The following SFTPD variants were observed in gnomAD, a reference collection of about 807,000 sequenced individuals.
SFTPD encodes the protein surfactant protein D, also known as pulmonary surfactant-associated protein D.
Under a neutral mutation model 34.6 loss-of-function variants are expected in SFTPD, and 18 were observed. That is an observed-to-expected ratio of 0.52 (90% CI 0.36 to 0.77). The LOEUF (loss-of-function observed/expected upper bound fraction) is 0.77, where lower values mean the gene tolerates loss of function less well. SFTPD is among the 30% of genes least tolerant of loss of function. The pLI is 0.00. For synonymous variants in SFTPD, 155 were observed against 180.9 expected (o/e 0.86, Z 1.15); for missense variants, 433 against 468.9 (o/e 0.92, Z 0.71).
At chr10:79,965,190 G>A (rs1477604009) in intron 1 of SFTPD, among the ~76,000 whole-genome samples, 4 of 152,070 alleles carry the variant, frequency 2.6e-5, no homozygotes, top group Admixed American at 6.6e-5. Flanking sequence ...ACCCCCTTGG[G>A]CACTCTCTAA....
chr10:79,945,485 A>G (rs1842655803), intron 2 of SFTPD, among the ~76,000 whole-genome samples: 1 of 152,154 alleles, frequency 6.6e-6, no homozygotes, highest in Non-Finnish European at 1.5e-5. Flanking sequence ...GCCCTGCCCA[A>G]TGTCATAGAG....
intron 5 of SFTPD, 147 bp downstream of exon 5, chr10:79,941,807 T>G: frequency 1.4e-6 from 1 of 694,454 alleles, no homozygotes; most frequent in Admixed American, 2.2e-5. Flanking sequence ...AGCCCCCTCA[T>G]GCACCCTTCT....
chr10:79,952,269 T>A (rs1320266592), upstream of SFTPD, among the ~76,000 whole-genome samples: 1 of 152,244 alleles, frequency 6.6e-6, no homozygotes, highest in Non-Finnish European at 1.5e-5. Context: ...GGAGTGCAGC[T>A]GCCCCCAGGA....
At chr10:79,980,658 G>A (rs986709192) in intron 1 of SFTPD, among the ~76,000 whole-genome samples, 1 of 152,214 alleles carries the variant, frequency 6.6e-6, no homozygotes, top group African/African-American at 2.4e-5. Context: ...GGTATGGGAA[G>A]AGAACAAGAG....
chr10:79,941,921 A>G, intron 5 of SFTPD, 33 bp downstream of exon 5: 1 of 1,425,560 alleles, frequency 7.0e-7, no homozygotes, highest in Non-Finnish European at 9.9e-7. Context: ...GGAGAACTGG[A>G]CCCAGCCCAG....
intron 1 of SFTPD, chr10:79,982,250 G>A: frequency 1.1e-6 from 1 of 907,446 alleles, no homozygotes; most frequent in Non-Finnish European, 1.4e-6. Flanking sequence ...CAATGGGACC[G>A]CGGGCGGCGG....
At chr10:79,955,779 A>T (rs1842735140) in intron 1 of SFTPD, among the ~76,000 whole-genome samples, 1 of 152,250 alleles carries the variant, frequency 6.6e-6, no homozygotes. Context: ...GTTTCTTTAA[A>T]TATTAACACA....
At chr10:79,956,184 G>A (rs1362092565) in intron 1 of SFTPD, among the ~76,000 whole-genome samples, 1 of 152,184 alleles carries the variant, frequency 6.6e-6, no homozygotes, top group East Asian at 1.9e-4. Context: ...AGCCAAGATG[G>A]CCGAATAGGA....
intron 1 of SFTPD, among the ~76,000 whole-genome samples, chr10:79,963,745 T>C (rs898417609): frequency 1.3e-5 from 2 of 152,206 alleles, no homozygotes; most frequent in African/African-American, 2.4e-5. Context: ...AACTCCCACT[T>C]ATAAATGAGA....
At chr10:79,965,242 C>G (rs1842796905) in intron 1 of SFTPD, among the ~76,000 whole-genome samples, 1 of 152,132 alleles carries the variant, frequency 6.6e-6, no homozygotes, top group Non-Finnish European at 1.5e-5. Context: ...CCTTTAATAC[C>G]TGTTTTTCTC....
chr10:79,951,359 T>C (rs1199818096), upstream of SFTPD, among the ~76,000 whole-genome samples: 2 of 152,198 alleles, frequency 1.3e-5, no homozygotes, highest in African/African-American at 2.4e-5. Context: ...TGGGATTTTT[T>C]CCCCCTTTGA....
chr10:79,975,633 C>G (rs4379774), intron 1 of SFTPD, among the ~76,000 whole-genome samples: 8,974 of 152,184 alleles, frequency 0.059, 584 homozygotes, highest in East Asian at 0.39. Context: ...GAATTAAACC[C>G]ACACACACAG....
intron 1 of SFTPD, among the ~76,000 whole-genome samples, chr10:79,967,730 C>T (rs574069581): frequency 3.3e-5 from 5 of 152,130 alleles, no homozygotes; most frequent in East Asian, 1.9e-4. Flanking sequence ...CAGGCCTGCA[C>T]GTATACATCC....
At position 79,941,422 on chromosome 10, in the gene SFTPD, C is replaced by T. The variant is rs1842609786; in HGVS notation, c.643G>A (p.Ala215Thr). ...GDKGIPGDKG[A>T]KGESGLPDVA... The stretch of plus-strand genomic sequence containing the variant: ...CCTGGAAGCCCACTTTCTCCCTTTG[C>T]TCCTTTGTCTCCAGGAATGCCTTTG... The change falls in exon 6 of 8, where the codon GCA becomes ACA. Residue 215 changes from alanine to threonine, a missense_variant. Transcript: ENST00000372292. 2 of 1,614,108 alleles carry T rather than the reference C, an allele frequency of 1.2e-6. No homozygotes were observed. Among genetic ancestry groups the T allele is most frequent in the Non-Finnish European group, 1.7e-6 (2 of 1,179,960 alleles).
chr10:79,975,803 G>T (rs1298999190), intron 1 of SFTPD, among the ~76,000 whole-genome samples: 1 of 152,186 alleles, frequency 6.6e-6, no homozygotes, highest in East Asian at 1.9e-4. Context: ...GGAAAGGAAG[G>T]CATGGGCCCA....
chr10:79,974,370 C>G (rs151158703), intron 1 of SFTPD, among the ~76,000 whole-genome samples: 164 of 151,878 alleles, frequency 1.1e-3, no homozygotes, highest in Non-Finnish European at 2.0e-3. Context: ...CGGGGTTTCT[C>G]GATCTCCTGA....
intron 1 of SFTPD, among the ~76,000 whole-genome samples, chr10:79,955,756 C>G (rs1173536536): frequency 1.3e-5 from 2 of 152,196 alleles, no homozygotes; most frequent in Non-Finnish European, 2.9e-5. Context: ...GAATTCTAGG[C>G]ACTTTACTCT....
At chr10:79,950,108 T>C (rs965548295), upstream of SFTPD, 1 of 152,132 alleles carries the variant, frequency 6.6e-6, no homozygotes, top group African/African-American at 2.4e-5. Flanking sequence ...CTACCGAAGT[T>C]CTGAGATTAC....
intron 1 of SFTPD, among the ~76,000 whole-genome samples, chr10:79,958,389 C>G (rs1341719225): frequency 6.6e-6 from 1 of 152,182 alleles, no homozygotes; most frequent in Non-Finnish European, 1.5e-5. Context: ...CATCAGTGTG[C>G]TGTATTCAGG....
Sources: allele counts gnomAD v4.1 joint callset (sites outside exome capture counted in the v4.1 genomes callset), GRCh38; gene constraint gnomAD v4.1.1; transcripts MANE v1.5; gene names NCBI Gene and HGNC (gene_info 2026-07-23, HGNC 2026-07-21).